Variants in CD244 observed in about 807,000 individuals in gnomAD.
CD244 encodes the protein natural killer cell receptor 2B4.
In CD244, 20 loss-of-function variants were observed where a neutral mutation model predicts 45.5. The observed-to-expected ratio is 0.44, with a 90% confidence interval of 0.31 to 0.64. The LOEUF (loss-of-function observed/expected upper bound fraction) is 0.64, where lower values mean the gene tolerates loss of function less well. CD244 is among the 30% of genes least tolerant of loss of function. CD244 has a pLI of 0.08. For missense variants in CD244, 407 were observed against 426.9 expected (o/e 0.95, Z 0.41); for synonymous variants, 185 against 160.5 (o/e 1.15, Z -1.15).
chr1:160,860,477 A>T (rs1300586825), intron 1 of CD244, among the ~76,000 whole-genome samples: 1 of 152,200 alleles, frequency 6.6e-6, no homozygotes, highest in Non-Finnish European at 1.5e-5. Flanking sequence ...TTCTTGGGAC[A>T]ATTGGTAATA....
At chr1:160,837,474 G>A (rs905233059) in intron 5 of CD244, among the ~76,000 whole-genome samples, 5 of 152,082 alleles carry the variant, frequency 3.3e-5, no homozygotes, top group Middle Eastern at 3.4e-3. Flanking sequence ...GCCACTGCTG[G>A]GGCAAAAATA....
At chr1:160,859,615 T>C (rs1670222644) in intron 1 of CD244, among the ~76,000 whole-genome samples, 1 of 151,890 alleles carries the variant, frequency 6.6e-6, no homozygotes, top group Non-Finnish European at 1.5e-5. Context: ...ATTTTAAAAA[T>C]GCATATGATG....
intron 7 of CD244, chr1:160,832,820 G>A (rs1669172650): frequency 5.1e-6 from 3 of 591,948 alleles, no homozygotes; most frequent in Admixed American, 4.7e-5. Flanking sequence ...AGAATTTGCT[G>A]TTCCATACCC....
intron 5 of CD244, 92 bp from the exon 6 acceptor site, chr1:160,836,346 C>T: frequency 2.1e-6 from 2 of 943,480 alleles, no homozygotes; most frequent in Non-Finnish European, 3.4e-6. Flanking sequence ...AAGAAGAGGG[C>T]TTTTCAGGAG....
chr1:160,838,773 G>C (rs2101867852), intron 4 of CD244, 166 bp downstream of exon 4: 1 of 619,284 alleles, frequency 1.6e-6, no homozygotes, highest in East Asian at 2.7e-5. Flanking sequence ...CTGGGAGAGA[G>C]AGCCTAGCAA....
chr1:160,840,947 C>A (rs142268412), intron 3 of CD244, among the ~76,000 whole-genome samples: 2 of 152,322 alleles, frequency 1.3e-5, no homozygotes, highest in East Asian at 3.9e-4. Context: ...CTGTCACTCA[C>A]CAAACAACTA....
chr1:160,847,798 G>A (rs931588389), intron 1 of CD244, among the ~76,000 whole-genome samples: 8 of 152,054 alleles, frequency 5.3e-5, no homozygotes, highest in African/African-American at 1.9e-4. Context: ...AAAAGAAATA[G>A]TAATTCAAAT....
intron 1 of CD244, among the ~76,000 whole-genome samples, chr1:160,847,111 A>G (rs867461707): frequency 6.6e-6 from 1 of 152,176 alleles, no homozygotes; most frequent in Non-Finnish European, 1.5e-5. Context: ...ATATACAGAA[A>G]TAGAAGGAAA....
At chr1:160,850,503 T>G (rs764693972) in intron 1 of CD244, among the ~76,000 whole-genome samples, 1 of 152,172 alleles carries the variant, frequency 6.6e-6, no homozygotes, top group African/African-American at 2.4e-5. Flanking sequence ...GTAAAAGACA[T>G]AGAATAGCCA....
intron 5 of CD244, among the ~76,000 whole-genome samples, chr1:160,837,228 C>A (rs1035593523): frequency 2.0e-5 from 3 of 152,276 alleles, no homozygotes; most frequent in African/African-American, 7.2e-5. Context: ...AGGCCTGAAT[C>A]CCAAAGAGGT....
At chr1:160,843,051 A>G (rs537526704) in intron 1 of CD244, among the ~76,000 whole-genome samples, 1 of 152,326 alleles carries the variant, frequency 6.6e-6, no homozygotes, top group African/African-American at 2.4e-5. Context: ...GAAGAGAGCA[A>G]TTGAGACAGA....
At chr1:160,843,326 G>C (rs1316418735) in intron 1 of CD244, among the ~76,000 whole-genome samples, 2 of 152,128 alleles carry the variant, frequency 1.3e-5, no homozygotes, top group African/African-American at 4.8e-5. Context: ...CTGTGTCTCT[G>C]TCTCCTACGA....
intron 8 of CD244, among the ~76,000 whole-genome samples, chr1:160,832,106 T>C (rs1571081547): frequency 6.6e-6 from 1 of 152,094 alleles, no homozygotes; most frequent in East Asian, 1.9e-4. Context: ...CTGAAGAAGA[T>C]TAAGCTCACC....
intron 7 of CD244, among the ~76,000 whole-genome samples, chr1:160,832,870 G>GTGTATATATATATA (rs1336342075): frequency 6.7e-4 from 79 of 117,910 alleles, no homozygotes; most frequent in Middle Eastern, 4.6e-3. Flanking sequence ...GTGTGTGTGT[G>GTGTATATATATATA]TATATATATA....
At chr1:160,855,787 G>A (rs1397571470) in intron 1 of CD244, among the ~76,000 whole-genome samples, 1 of 152,162 alleles carries the variant, frequency 6.6e-6, no homozygotes, top group Non-Finnish European at 1.5e-5. Context: ...CTGAAAGGGA[G>A]GGCAGAGGGC....
chr1:160,854,180 T>G (rs1283997965), intron 1 of CD244, among the ~76,000 whole-genome samples: 8 of 152,320 alleles, frequency 5.3e-5, no homozygotes. Flanking sequence ...TTTTTATCTT[T>G]TATAAAATTG....
chr1:160,848,488 G>A (rs2101883303), intron 1 of CD244: 1 of 530,036 alleles, frequency 1.9e-6, no homozygotes, highest in Non-Finnish European at 3.7e-6. Context: ...CCATTGCTGA[G>A]TGTAGACAAC....
chr1:160,845,408 AC>A (rs1669695391), intron 1 of CD244, among the ~76,000 whole-genome samples: 1 of 152,228 alleles, frequency 6.6e-6, no homozygotes, highest in South Asian at 2.1e-4. Flanking sequence ...CAAAAACAAA[AC>A]AAAACCCCTA....
chr1:160,853,103 C>G (rs1261860340), intron 1 of CD244, among the ~76,000 whole-genome samples: 1 of 151,836 alleles, frequency 6.6e-6, no homozygotes, highest in East Asian at 1.9e-4. Context: ...CATAATAACT[C>G]AAAATGAGAA....
Sources: gnomAD v4.1 joint callset for allele counts (sites outside exome capture counted in the v4.1 genomes callset) on GRCh38, gnomAD v4.1.1 for gene constraint, MANE v1.5 for transcripts, NCBI Gene and HGNC (gene_info 2026-07-23, HGNC 2026-07-21) for gene names.